ADCY2: variants seen among roughly 807,000 people sequenced by gnomAD.
ADCY2 encodes the protein adenylate cyclase 2.
A neutral mutation model predicts 125.2 loss-of-function variants in ADCY2; 31 were observed. That is an observed-to-expected ratio of 0.25 (90% CI 0.19 to 0.33). The LOEUF (loss-of-function observed/expected upper bound fraction) is 0.33. Among genes scored for constraint, ADCY2 ranks in the 10% least tolerant of loss-of-function variants. The pLI is 1.00. For synonymous variants in ADCY2, 512 were observed against 548.4 expected, an observed-to-expected ratio of 0.93 and a Z score of 0.93; for missense variants, 904 against 1,418.2, an observed-to-expected ratio of 0.64 and a Z score of 5.82.
chr5:7,438,323 T>C (rs1740884559), intron 2 of ADCY2, among the ~76,000 whole-genome samples: 1 of 152,322 alleles, frequency 6.6e-6, no homozygotes, highest in South Asian at 2.1e-4. Context: ...ACAGAAGGAA[T>C]GAAACCTCTT....
intron 24 of ADCY2, among the ~76,000 whole-genome samples, chr5:7,824,331 T>G (rs1008306102): frequency 6.6e-6 from 1 of 152,142 alleles, no homozygotes; most frequent in Non-Finnish European, 1.5e-5. Context: ...ATGGACAGCT[T>G]CTTCCTCCCG....
At position 7,548,064 on chromosome 5, in the gene ADCY2, A is replaced by T. The variant is rs140920564; in HGVS notation, c.570+27165A>T. On this transcript the variant is annotated intron_variant, in intron 3 of 24. Transcript: ENST00000338316. ...TTAAGCTGAAACTGCTGCTGCTTCC[A>T]TTGACACCTGCCCATTTCAGGGCTG... Among the ~76,000 whole-genome samples the T allele has an allele frequency of 1.2e-3, 189 of 152,294 alleles. 1 individual carries two copies. The highest frequency in any genetic ancestry group is 4.3e-3 in the African/African-American group (180 of 41,566).
intron 4 of ADCY2, among the ~76,000 whole-genome samples, chr5:7,687,184 C>T (rs1471573344): frequency 1.3e-5 from 2 of 152,138 alleles, no homozygotes; most frequent in Admixed American, 6.5e-5. Context: ...TTTTAAACCA[C>T]CTATTAAAAG....
At chr5:7,526,093 G>A (rs759326988) in intron 3 of ADCY2, among the ~76,000 whole-genome samples, 9 of 152,302 alleles carry the variant, frequency 5.9e-5, no homozygotes, top group Non-Finnish European at 8.8e-5. Context: ...ACCCACGCAT[G>A]TGGGGCTGCC....
chr5:7,773,473 G>A (rs1743621218), intron 18 of ADCY2, among the ~76,000 whole-genome samples: 2 of 152,096 alleles, frequency 1.3e-5, no homozygotes, highest in South Asian at 4.2e-4. Context: ...GACATCCCTG[G>A]CCTTTACCCA....
intron 2 of ADCY2, among the ~76,000 whole-genome samples, chr5:7,419,239 G>A (rs550147618): frequency 1.7e-4 from 26 of 152,280 alleles, no homozygotes; most frequent in South Asian, 1.2e-3. Context: ...GGACTACCCA[G>A]AGATTGGACA....
At chr5:7,426,777 T>A (rs978150057) in intron 2 of ADCY2, among the ~76,000 whole-genome samples, 1 of 152,174 alleles carries the variant, frequency 6.6e-6, no homozygotes, top group Non-Finnish European at 1.5e-5. Flanking sequence ...CTGCCAGCAC[T>A]GGCTTCCACC....
At chr5:7,688,057 A>T (rs1367107077) in intron 4 of ADCY2, among the ~76,000 whole-genome samples, 2 of 151,664 alleles carry the variant, frequency 1.3e-5, no homozygotes, top group Non-Finnish European at 2.9e-5. Flanking sequence ...ATTTCCAAAT[A>T]GATAGCCTAG....
intron 15 of ADCY2, among the ~76,000 whole-genome samples, chr5:7,751,659 C>T (rs1462930697): frequency 6.6e-6 from 1 of 152,194 alleles, no homozygotes; most frequent in Non-Finnish European, 1.5e-5. Flanking sequence ...GAATGGGGCT[C>T]TTCTAGACTT....
At chr5:7,753,444 G>T (rs549234564) in intron 15 of ADCY2, among the ~76,000 whole-genome samples, 1 of 152,244 alleles carries the variant, frequency 6.6e-6, no homozygotes, top group South Asian at 2.1e-4. Flanking sequence ...CCACTGACTG[G>T]GCTCACAGCA....
intron 14 of ADCY2, among the ~76,000 whole-genome samples, chr5:7,738,083 G>T (rs1391782866): frequency 6.6e-6 from 1 of 152,134 alleles, no homozygotes; most frequent in East Asian, 1.9e-4. Flanking sequence ...AGGAATCTAA[G>T]GAAGGAATGG....
intron 4 of ADCY2, among the ~76,000 whole-genome samples, chr5:7,684,040 G>A (rs1356668661): frequency 2.0e-5 from 3 of 152,154 alleles, no homozygotes; most frequent in South Asian, 2.1e-4. Flanking sequence ...TCTCCCCAGC[G>A]TGCCTCTACT....
intron 3 of ADCY2, among the ~76,000 whole-genome samples, chr5:7,593,214 T>A (rs1052082543): frequency 1.3e-5 from 2 of 152,138 alleles, no homozygotes; most frequent in African/African-American, 4.8e-5. Context: ...CATCTGGGAC[T>A]AGGCAATGGA....
chr5:7,520,199 C>G (rs1056890818), intron 2 of ADCY2, among the ~76,000 whole-genome samples: 1 of 152,114 alleles, frequency 6.6e-6, no homozygotes, highest in Non-Finnish European at 1.5e-5. Flanking sequence ...TGTTTAACTT[C>G]GAGGAATTGC....
chr5:7,453,956 T>C (rs780600504), intron 2 of ADCY2, among the ~76,000 whole-genome samples: 3 of 152,326 alleles, frequency 2.0e-5, no homozygotes, highest in Admixed American at 1.3e-4. Flanking sequence ...TGAGATCTTA[T>C]TAAGAAGATG....
At chr5:7,449,106 C>T (rs191476927) in intron 2 of ADCY2, among the ~76,000 whole-genome samples, 13 of 152,222 alleles carry the variant, frequency 8.5e-5, no homozygotes, top group East Asian at 3.9e-4. Flanking sequence ...AGTGTAAAAG[C>T]GTTTTTTTCC....
At chr5:7,442,845 T>G (rs1363962624) in intron 2 of ADCY2, among the ~76,000 whole-genome samples, 4 of 152,016 alleles carry the variant, frequency 2.6e-5, no homozygotes. Context: ...GATTAATTTT[T>G]CTGGGGGGAG....
chr5:7,579,780 T>C (rs1736368672), intron 3 of ADCY2, among the ~76,000 whole-genome samples: 1 of 152,112 alleles, frequency 6.6e-6, no homozygotes, highest in Admixed American at 6.6e-5. Flanking sequence ...TGGAAACCAA[T>C]AGGACCATTA....
intron 3 of ADCY2, among the ~76,000 whole-genome samples, chr5:7,558,055 T>TA (rs750337420): frequency 1.1e-3 from 155 of 136,208 alleles, no homozygotes; most frequent in Middle Eastern, 3.8e-3. Flanking sequence ...GTTTTTGGTT[T>TA]TATTTTTTTT....
Sources: gnomAD v4.1 joint callset for allele counts (sites outside exome capture counted in the v4.1 genomes callset) on GRCh38, gnomAD v4.1.1 for gene constraint, MANE v1.5 for transcripts, NCBI Gene and HGNC (gene_info 2026-07-23, HGNC 2026-07-21) for gene names.